KDM4C: variants seen among roughly 807,000 people sequenced by gnomAD.
KDM4C encodes the protein lysine demethylase 4C.
In KDM4C, 81 loss-of-function variants were observed where a neutral mutation model predicts 129.3. That is an observed-to-expected ratio of 0.63 (90% CI 0.52 to 0.75). The LOEUF is 0.75. Ranked by LOEUF, KDM4C falls within the 30% of genes least tolerant of loss-of-function variation. The pLI, the probability that KDM4C is intolerant of heterozygous loss-of-function variation, is 0.00. For synonymous variants in KDM4C, 573 were observed against 456.1 expected, an observed-to-expected ratio of 1.26 and a Z score of -3.26; for missense variants, 1,457 against 1,304.0, an observed-to-expected ratio of 1.12 and a Z score of -1.81.
At chr9:6,740,433 G>A (rs947152447) in intron 1 of KDM4C, among the ~76,000 whole-genome samples, 4 of 151,614 alleles carry the variant, frequency 2.6e-5, no homozygotes, top group Non-Finnish European at 2.9e-5. Context: ...TTGATCTCCT[G>A]ACCTTGTGAT....
intron 18 of KDM4C, 111 bp from the exon 19 acceptor site, chr9:7,127,954 TA>T: frequency 9.5e-7 from 1 of 1,051,398 alleles, no homozygotes; most frequent in Non-Finnish European, 1.3e-6. Context: ...ATTTTTTTTT[TA>T]AATCTTGGCC....
intron 13 of KDM4C, 30 bp downstream of exon 13, chr9:7,011,909 C>T: frequency 6.4e-7 from 1 of 1,570,110 alleles, no homozygotes; most frequent in Admixed American, 1.7e-5. Context: ...TAGTTCCCTT[C>T]ACTGCTCTGC....
chr9:6,886,171 A>G (rs898297755), intron 6 of KDM4C, among the ~76,000 whole-genome samples: 1 of 152,072 alleles, frequency 6.6e-6, no homozygotes, highest in Non-Finnish European at 1.5e-5. Context: ...CATGGCCATT[A>G]TATTAGTGTC....
intron 1 of KDM4C, among the ~76,000 whole-genome samples, chr9:6,765,538 A>G (rs1820441596): frequency 6.6e-6 from 1 of 152,178 alleles, no homozygotes; most frequent in Non-Finnish European, 1.5e-5. Context: ...AAGGGCAGAG[A>G]CCAAGTATTT....
intron 5 of KDM4C, among the ~76,000 whole-genome samples, chr9:6,875,347 A>C (rs1373300944): frequency 6.6e-6 from 1 of 152,132 alleles, no homozygotes; most frequent in East Asian, 1.9e-4. Flanking sequence ...GGACACCTGC[A>C]TGTGAGATTG....
chr9:6,942,262 T>C (rs1318722010), intron 8 of KDM4C, among the ~76,000 whole-genome samples: 1 of 148,126 alleles, frequency 6.8e-6, no homozygotes, highest in African/African-American at 2.5e-5. Flanking sequence ...TCTATTTCTT[T>C]CTCATGTTCT....
At chr9:6,934,137 G>C (rs112743100) in intron 8 of KDM4C, among the ~76,000 whole-genome samples, 3 of 151,476 alleles carry the variant, frequency 2.0e-5, no homozygotes, top group Admixed American at 2.0e-4. Flanking sequence ...ACAGGTGTGA[G>C]CCATTGCGCC....
chr9:7,150,921 C>G (rs1842670976), intron 19 of KDM4C, among the ~76,000 whole-genome samples: 1 of 152,150 alleles, frequency 6.6e-6, no homozygotes, highest in South Asian at 2.1e-4. Context: ...ATAATAACTT[C>G]CAGAATAATA....
intron 1 of KDM4C, among the ~76,000 whole-genome samples, chr9:6,723,281 A>G (rs1022857735): frequency 2.0e-5 from 3 of 152,056 alleles, no homozygotes; most frequent in African/African-American, 7.2e-5. Context: ...AGGCTGAGGT[A>G]TGAGAATTCC....
chr9:6,891,897 T>C (rs931298267), intron 7 of KDM4C, among the ~76,000 whole-genome samples: 1 of 152,210 alleles, frequency 6.6e-6, no homozygotes, highest in African/African-American at 2.4e-5. Flanking sequence ...TACAGGTATA[T>C]GCATTTGTCA....
chr9:7,090,454 T>G (rs1217435595), intron 17 of KDM4C, among the ~76,000 whole-genome samples: 1 of 152,170 alleles, frequency 6.6e-6, no homozygotes, highest in Non-Finnish European at 1.5e-5. Context: ...ATAAAGGATT[T>G]CTTTGCACTT....
intron 12 of KDM4C, among the ~76,000 whole-genome samples, chr9:7,007,430 G>A (rs1209209703): frequency 6.6e-6 from 1 of 152,160 alleles, no homozygotes; most frequent in Non-Finnish European, 1.5e-5. Context: ...GGCAAACCTT[G>A]CAGACATTCT....
At chr9:7,062,180 G>C (rs1831788460) in intron 17 of KDM4C, among the ~76,000 whole-genome samples, 1 of 152,166 alleles carries the variant, frequency 6.6e-6, no homozygotes, top group Admixed American at 6.5e-5. Context: ...GTGTTAGCCA[G>C]GATGGTCTCG....
chr9:7,005,541 G>T (rs898050824), intron 12 of KDM4C, among the ~76,000 whole-genome samples: 9 of 151,964 alleles, frequency 5.9e-5, no homozygotes, highest in African/African-American at 1.9e-4. Flanking sequence ...AAGGGGACTA[G>T]GCTGCCTTCA....
At chr9:6,914,883 T>A (rs988082406) in intron 8 of KDM4C, among the ~76,000 whole-genome samples, 1 of 152,234 alleles carries the variant, frequency 6.6e-6, no homozygotes, top group Non-Finnish European at 1.5e-5. Context: ...CCTCTAAAAC[T>A]GTGAACAGTA....
chr9:7,007,514 A>G (rs535765079), intron 12 of KDM4C, among the ~76,000 whole-genome samples: 2 of 152,296 alleles, frequency 1.3e-5, no homozygotes, highest in East Asian at 1.9e-4. Flanking sequence ...AAGTATTTCA[A>G]GTTGATTAAG....
chr9:6,928,762 C>G (rs1823097117), intron 8 of KDM4C, among the ~76,000 whole-genome samples: 2 of 152,174 alleles, frequency 1.3e-5, no homozygotes. Flanking sequence ...CACTTTTTAA[C>G]TACCTTGGAG....
At chr9:6,947,294 A>G (rs1319932179) in intron 8 of KDM4C, among the ~76,000 whole-genome samples, 1 of 152,174 alleles carries the variant, frequency 6.6e-6, no homozygotes, top group Non-Finnish European at 1.5e-5. Flanking sequence ...AAATTTTTCA[A>G]TACATTTATT....
At chr9:6,999,996 T>C (rs1820439886) in intron 12 of KDM4C, among the ~76,000 whole-genome samples, 1 of 152,232 alleles carries the variant, frequency 6.6e-6, no homozygotes, top group South Asian at 2.1e-4. Flanking sequence ...AAACAGCAAA[T>C]TCAGCAGATT....
Sources: gnomAD v4.1 joint callset for allele counts (sites outside exome capture counted in the v4.1 genomes callset) on GRCh38, gnomAD v4.1.1 for gene constraint, MANE v1.5 for transcripts, NCBI Gene and HGNC (gene_info 2026-07-23, HGNC 2026-07-21) for gene names.